Variants in NALF1 observed in about 807,000 individuals in gnomAD.
The protein encoded by NALF1 is NALCN channel auxiliary factor 1.
A neutral mutation model predicts 48.4 loss-of-function variants in NALF1; 3 were observed. That is an observed-to-expected ratio of 0.06 (90% CI 0.03 to 0.16). The LOEUF (loss-of-function observed/expected upper bound fraction) is 0.16, where lower values mean the gene tolerates loss of function less well. Among genes scored for constraint, NALF1 ranks in the 10% least tolerant of loss-of-function variants. The probability of loss-of-function intolerance (pLI) is 1.00; values close to 1 mark genes in which losing one functional copy is unlikely to be tolerated. For missense variants in NALF1, 526 were observed against 571.5 expected (o/e 0.92, Z 0.81); for synonymous variants, 262 against 245.7 (o/e 1.07, Z -0.62).
At chr13:107,430,488 C>T (rs576485270) in intron 1 of NALF1, among the ~76,000 whole-genome samples, 8 of 152,022 alleles carry the variant, frequency 5.3e-5, no homozygotes, top group Non-Finnish European at 1.0e-4. Flanking sequence ...TGTGATGTTC[C>T]CCTTCCTGTG....
intron 1 of NALF1, among the ~76,000 whole-genome samples, chr13:107,334,665 T>TA (rs1166688561): frequency 2.6e-5 from 4 of 152,192 alleles, no homozygotes; most frequent in South Asian, 4.1e-4. Context: ...TAAGACTTTT[T>TA]AAAAAACCTT....
intron 1 of NALF1, among the ~76,000 whole-genome samples, chr13:107,312,566 TATA>T (rs1214666764): frequency 6.6e-6 from 1 of 151,876 alleles, no homozygotes; most frequent in Admixed American, 6.6e-5. Flanking sequence ...AAGCTTAAAG[TATA>T]ATAATAAAAA....
At position 107,254,853 on chromosome 13, in the gene NALF1, C is replaced by T. The variant is rs114287586; in HGVS notation, c.916-44098G>A. ...TTGCTATTAGCCCATTGACTTACAG[C>T]CCTAAAACACCCAGCTTAATTATAC... On this transcript the variant is annotated intron_variant, in intron 1 of 2. Transcript: ENST00000375915. Among the ~76,000 whole-genome samples the T allele has an allele frequency of 7.0e-3, 1,068 of 152,270 alleles. 10 individuals carry two copies. The highest frequency in any genetic ancestry group is 0.024 in the African/African-American group (1,003 of 41,542).
At chr13:107,643,491 C>T (rs978409808) in intron 1 of NALF1, among the ~76,000 whole-genome samples, 1 of 144,350 alleles carries the variant, frequency 6.9e-6, no homozygotes, top group Non-Finnish European at 1.5e-5. Context: ...AAGAAAAACT[C>T]AGGACATAGA....
At chr13:107,848,860 C>G (rs190442372) in intron 1 of NALF1, among the ~76,000 whole-genome samples, 33 of 152,318 alleles carry the variant, frequency 2.2e-4, no homozygotes, top group Admixed American at 2.1e-3. Context: ...TACTTACCAG[C>G]ATTACCGACC....
At chr13:107,294,366 C>A (rs1326483453) in intron 1 of NALF1, among the ~76,000 whole-genome samples, 1 of 152,140 alleles carries the variant, frequency 6.6e-6, no homozygotes, top group East Asian at 1.9e-4. Flanking sequence ...GGTTAGATAA[C>A]TCGTCCACGG....
intron 1 of NALF1, among the ~76,000 whole-genome samples, chr13:107,703,682 A>G (rs1881880364): frequency 6.6e-6 from 1 of 152,084 alleles, no homozygotes; most frequent in African/African-American, 2.4e-5. Flanking sequence ...AGCCCTATCA[A>G]TTCTAATCCA....
chr13:107,459,886 C>T (rs1012450035), intron 1 of NALF1, among the ~76,000 whole-genome samples: 3 of 152,244 alleles, frequency 2.0e-5, no homozygotes, highest in East Asian at 3.9e-4. Flanking sequence ...GGACCACCTG[C>T]GTGTGCCACC....
chr13:107,661,517 T>C (rs972038876), intron 1 of NALF1, among the ~76,000 whole-genome samples: 4 of 151,702 alleles, frequency 2.6e-5, no homozygotes, highest in African/African-American at 9.7e-5. Flanking sequence ...ACTGAACTAG[T>C]AGCACAGGTA....
chr13:107,391,766 C>CT (rs1883631682), intron 1 of NALF1, among the ~76,000 whole-genome samples: 1 of 152,136 alleles, frequency 6.6e-6, no homozygotes, highest in African/African-American at 2.4e-5. Flanking sequence ...CCTGCCCCCG[C>CT]TTTGAGTTGT....
chr13:107,535,533 C>G (rs190535868), intron 1 of NALF1, among the ~76,000 whole-genome samples: 25 of 152,162 alleles, frequency 1.6e-4, no homozygotes, highest in Non-Finnish European at 3.5e-4. Flanking sequence ...TGTGAAGAAC[C>G]TCTTCAAGAA....
rs543307705 is a variant in NALF1, at chr13:107,762,839, AT to A, written c.915+102842del. Among the ~76,000 whole-genome samples the A allele has an allele frequency of 8.1e-4, 124 of 152,322 alleles. No individual in the cohort carries two copies. The East Asian group carries it at 0.013, about 16-fold the overall frequency. On this transcript the variant is annotated intron_variant, in intron 1 of 2. Coordinates refer to ENST00000375915, the MANE Select transcript of NALF1 (RefSeq NM_001080396.3). ...TTTATGTTATGTCTTCCTTACAAAT[AT>A]TTTTAATATATTAAAAAAGAAAGAG... is the stretch of plus-strand genomic sequence containing the variant.
chr13:107,559,161 G>C (rs544559186), intron 1 of NALF1, among the ~76,000 whole-genome samples: 1 of 152,332 alleles, frequency 6.6e-6, no homozygotes, highest in South Asian at 2.1e-4. Flanking sequence ...GACGGCAGCA[G>C]AGAGGAGACG....
chr13:107,643,081 C>T (rs1880204737), intron 1 of NALF1, among the ~76,000 whole-genome samples: 1 of 152,016 alleles, frequency 6.6e-6, no homozygotes, highest in African/African-American at 2.4e-5. Flanking sequence ...GCAGTTCATT[C>T]TCCGTTAGGG....
chr13:107,481,979 G>A (rs1351339564), intron 1 of NALF1, among the ~76,000 whole-genome samples: 2 of 152,106 alleles, frequency 1.3e-5, no homozygotes, highest in Non-Finnish European at 2.9e-5. Flanking sequence ...ATCTTAGTGT[G>A]ATGGTTAAGT....
rs1351926881 is a variant in NALF1, at chr13:107,376,408, T to C, written c.916-165653A>G. On this transcript the variant is annotated intron_variant, in intron 1 of 2. Transcript: ENST00000375915. ...TTTTTAGGCAATTAGCATGTATTCA[T>C]GGGCAGCAAACTTGCCTATGTTGCT... Among the ~76,000 whole-genome samples the C allele has an allele frequency of 2.6e-5, 4 of 152,240 alleles. No individual in the cohort carries two copies. The East Asian group carries it at 7.7e-4, about 29-fold the overall frequency.
intron 1 of NALF1, among the ~76,000 whole-genome samples, chr13:107,652,389 G>A (rs2138468852): frequency 6.6e-6 from 1 of 152,124 alleles, no homozygotes; most frequent in East Asian, 1.9e-4. Flanking sequence ...CTTCAAAGTT[G>A]AAGATAACTA....
At chr13:107,762,495 C>A (rs1036572829) in intron 1 of NALF1, among the ~76,000 whole-genome samples, 1 of 151,810 alleles carries the variant, frequency 6.6e-6, no homozygotes, top group Non-Finnish European at 1.5e-5. Context: ...GCACCCCAGG[C>A]AATGAGAAGG....
intron 1 of NALF1, among the ~76,000 whole-genome samples, chr13:107,457,791 G>A (rs1298521400): frequency 6.6e-6 from 1 of 152,270 alleles, no homozygotes. Flanking sequence ...AAGCTTCCCT[G>A]TTCCATTTAT....
Sources: gnomAD v4.1 joint callset for allele counts (sites outside exome capture counted in the v4.1 genomes callset) on GRCh38, gnomAD v4.1.1 for gene constraint, MANE v1.5 for transcripts, NCBI Gene and HGNC (gene_info 2026-07-23, HGNC 2026-07-21) for gene names.